The following RASAL2 variants were observed in gnomAD, a reference collection of about 807,000 sequenced individuals.
The protein encoded by RASAL2 is RAS protein activator like 2, also known as ras GTPase-activating protein nGAP.
RASAL2 carries 58 observed loss-of-function variants against 128.9 expected under a neutral mutation model. The ratio of observed to expected loss-of-function variants is 0.45; its 90% CI spans 0.36 to 0.56. RASAL2 has a LOEUF of 0.56. Among genes scored for constraint, RASAL2 ranks in the 20% least tolerant of loss-of-function variants. The pLI is 0.00. For missense variants in RASAL2, 1,360 were observed against 1,601.6 expected (o/e 0.85, Z 2.57); for synonymous variants, 561 against 580.8 (o/e 0.97, Z 0.49).
chr1:178,343,236 G>T (rs780570423), intron 3 of RASAL2, among the ~76,000 whole-genome samples: 1 of 152,186 alleles, frequency 6.6e-6, no homozygotes, highest in Non-Finnish European at 1.5e-5. Flanking sequence ...TGTGGAATGG[G>T]CAGCAAGTTA....
chr1:178,292,682 GAGA>G (rs61443162), intron 2 of RASAL2, among the ~76,000 whole-genome samples: 24,925 of 152,126 alleles, frequency 0.16, 2,563 homozygotes, highest in East Asian at 0.3. Context: ...TTGCTTGCAA[GAGA>G]TGAGACCAAG....
chr1:178,414,226 A>G (rs1200118153), intron 4 of RASAL2, among the ~76,000 whole-genome samples: 2 of 152,220 alleles, frequency 1.3e-5, no homozygotes, highest in African/African-American at 2.4e-5. Context: ...ATGGGGGACT[A>G]TCAATGTATG....
At chr1:178,114,712 C>T (rs140175281) in intron 1 of RASAL2, among the ~76,000 whole-genome samples, 5,342 of 152,122 alleles carry the variant, frequency 0.035, 279 homozygotes, top group African/African-American at 0.12. Context: ...TTAGTAGAGA[C>T]GGTGTTTCAC....
intron 9 of RASAL2, among the ~76,000 whole-genome samples, chr1:178,450,486 T>C (rs1323689089): frequency 6.6e-6 from 1 of 152,158 alleles, no homozygotes; most frequent in African/African-American, 2.4e-5. Flanking sequence ...CTCAAAATTA[T>C]CGCTTCTCAT....
At chr1:178,180,663 T>TCTCACACACA (rs1553256843) in intron 1 of RASAL2, among the ~76,000 whole-genome samples, 4,086 of 139,182 alleles carry the variant, frequency 0.029, 89 homozygotes, top group Middle Eastern at 0.043. Context: ...CGAGACTGTC[T>TCTCACACACA]CACACACACA....
rs879578177 is a variant in RASAL2, at chr1:178,395,793, T to TATATATATATATA, written c.564+5587_564+5588insATATATATATATA. Among the ~76,000 whole-genome samples, 957 of 124,302 alleles carry TATATATATATATA rather than the reference T, an allele frequency of 7.7e-3. 12 individuals are homozygous for TATATATATATATA. The highest frequency in any genetic ancestry group is 0.017 in the South Asian group (75 of 4,322). The allele number at this position is 124,302 out of a possible 152,430, so 81.5% of individuals were successfully genotyped here. Reference sequence around the variant, plus strand: ...ACAGTATATATATATATATATATATTTATTTATTCATATGTGTATGAATGT... The same window carrying TATATATATATATA: ...ACAGTATATATATATATATATATATTATATATATATATATATTTATTCATATGTGTATGAATGT... On this transcript the variant is annotated intron_variant, in intron 4 of 17. Coordinates refer to ENST00000367649, the MANE Select transcript of RASAL2 (RefSeq NM_170692.4).
chr1:178,441,823 G>A (rs2102842981), intron 7 of RASAL2, among the ~76,000 whole-genome samples, 176 bp downstream of exon 7: 1 of 152,190 alleles, frequency 6.6e-6, no homozygotes, highest in East Asian at 1.9e-4. Flanking sequence ...AAGTATCTGA[G>A]ACTGGGTAAT....
At chr1:178,298,651 ATCAT>A (rs1443948256) in intron 2 of RASAL2, among the ~76,000 whole-genome samples, 1 of 152,238 alleles carries the variant, frequency 6.6e-6, no homozygotes, top group Non-Finnish European at 1.5e-5. Flanking sequence ...GAAGAAATAA[ATCAT>A]TCATTCCCCA....
At chr1:178,410,816 T>G (rs528552404) in intron 4 of RASAL2, among the ~76,000 whole-genome samples, 1 of 152,034 alleles carries the variant, frequency 6.6e-6, no homozygotes, top group South Asian at 2.1e-4. Context: ...AAAACCACAA[T>G]GAGATAACCA....
At chr1:178,433,844 G>A (rs904544053) in intron 5 of RASAL2, among the ~76,000 whole-genome samples, 2 of 151,852 alleles carry the variant, frequency 1.3e-5, no homozygotes, top group Admixed American at 1.3e-4. Context: ...TTGAACCCAG[G>A]AGGCGGAAGT....
At chr1:178,392,669 G>A (rs1326439952) in intron 4 of RASAL2, among the ~76,000 whole-genome samples, 1 of 152,024 alleles carries the variant, frequency 6.6e-6, no homozygotes, top group African/African-American at 2.4e-5. Flanking sequence ...TCCAACTCAG[G>A]GTGATAGGTA....
intron 17 of RASAL2, among the ~76,000 whole-genome samples, chr1:178,468,200 A>G (rs1647930849): frequency 6.6e-6 from 1 of 152,222 alleles, no homozygotes; most frequent in African/African-American, 2.4e-5. Flanking sequence ...AGGGTGAAAC[A>G]AATAACAAAA....
intron 3 of RASAL2, among the ~76,000 whole-genome samples, chr1:178,339,379 G>A (rs1669750137): frequency 6.6e-6 from 1 of 152,134 alleles, no homozygotes; most frequent in Non-Finnish European, 1.5e-5. Context: ...ACAGCTTTTG[G>A]GATAGAGACT....
intron 3 of RASAL2, among the ~76,000 whole-genome samples, chr1:178,369,777 A>G (rs1233338043): frequency 6.6e-6 from 1 of 152,242 alleles, no homozygotes; most frequent in East Asian, 1.9e-4. Flanking sequence ...TCTAGTAAAC[A>G]GTTATAAATC....
chr1:178,106,533 C>A (rs916966442), intron 1 of RASAL2, among the ~76,000 whole-genome samples: 2 of 152,178 alleles, frequency 1.3e-5, no homozygotes, highest in African/African-American at 4.8e-5. Context: ...ACAGTAGCTA[C>A]CAAGTAACGA....
chr1:178,410,771 G>A (rs948831243), intron 4 of RASAL2, among the ~76,000 whole-genome samples: 7 of 151,996 alleles, frequency 4.6e-5, no homozygotes, highest in African/African-American at 1.7e-4. Context: ...TCAAAAAAAT[G>A]CTCAGCATCA....
intron 1 of RASAL2, among the ~76,000 whole-genome samples, chr1:178,219,672 A>G (rs1663550899): frequency 6.6e-6 from 1 of 151,480 alleles, no homozygotes; most frequent in African/African-American, 2.4e-5. Context: ...AAGAAAAATA[A>G]TTTTTCCATT....
chr1:178,395,786 TA>T lies in RASAL2; in HGVS notation c.564+5581del, dbSNP rs1188109986. ...TTAATGAACAGTATATATATATATA[TA>T]TATATTTATTTATTCATATGTGTAT... On this transcript the variant is annotated intron_variant, in intron 4 of 17. Transcript: ENST00000367649. Among the ~76,000 whole-genome samples the T allele has an allele frequency of 8.8e-4, 129 of 146,896 alleles. 5 individuals are homozygous for T. The highest frequency in any genetic ancestry group is 2.9e-3 in the African/African-American group (111 of 38,880).
chr1:178,134,246 T>A (rs1190443055), intron 1 of RASAL2, among the ~76,000 whole-genome samples: 1 of 152,080 alleles, frequency 6.6e-6, no homozygotes, highest in Non-Finnish European at 1.5e-5. Context: ...TTACTTCCTC[T>A]CTGGCTTTTG....
Sources: allele counts gnomAD v4.1 joint callset (sites outside exome capture counted in the v4.1 genomes callset), GRCh38; gene constraint gnomAD v4.1.1; transcripts MANE v1.5; gene names NCBI Gene and HGNC (gene_info 2026-07-23, HGNC 2026-07-21).